The following AKAP13 variants were observed in gnomAD, a reference collection of about 807,000 sequenced individuals.
AKAP13 encodes A-kinase anchor protein 13.
AKAP13 carries 80 observed loss-of-function variants against 264.5 expected under a neutral mutation model. The observed-to-expected ratio is 0.30, with a 90% CI of 0.25 to 0.36. The LOEUF is 0.36. Among genes scored for constraint, AKAP13 ranks in the 10% least tolerant of loss-of-function variants. The probability of loss-of-function intolerance (pLI) is 1.00; values close to 1 mark genes in which losing one functional copy is unlikely to be tolerated. For synonymous variants in AKAP13, 1,380 were observed against 1,250.2 expected (o/e 1.10, Z -2.19); for missense variants, 3,712 against 3,435.2 (o/e 1.08, Z -2.01).
intron 2 of AKAP13, among the ~76,000 whole-genome samples, chr15:85,492,359 G>T (rs2151073225): frequency 6.6e-6 from 1 of 152,302 alleles, no homozygotes; most frequent in South Asian, 2.1e-4. Flanking sequence ...TATAGCCTGG[G>T]CTACAGAGCG....
chr15:85,578,114 C>G (rs1024341927), intron 6 of AKAP13, among the ~76,000 whole-genome samples: 1 of 152,148 alleles, frequency 6.6e-6, no homozygotes, highest in African/African-American at 2.4e-5. Flanking sequence ...GAGACCCCGT[C>G]TCTACAAAAA....
chr15:85,522,869 G>C (rs12898783), intron 3 of AKAP13, among the ~76,000 whole-genome samples: 76,154 of 146,830 alleles, frequency 0.52, 20,407 homozygotes, highest in Middle Eastern at 0.62. Flanking sequence ...CCACATTTCA[G>C]TATTTTTCCA....
chr15:85,391,138 A>T (rs533106188), intron 1 of AKAP13, among the ~76,000 whole-genome samples: 1 of 152,368 alleles, frequency 6.6e-6, no homozygotes, highest in Admixed American at 6.5e-5. Flanking sequence ...TATGTATAGT[A>T]ACTAAAGGAA....
At chr15:85,600,738 C>T (rs982261213) in intron 8 of AKAP13, among the ~76,000 whole-genome samples, 5 of 152,178 alleles carry the variant, frequency 3.3e-5, no homozygotes, top group Non-Finnish European at 7.3e-5. Context: ...GCATTTATGT[C>T]CTGATGACCA....
chr15:85,517,229 A>G (rs144997425), intron 2 of AKAP13, among the ~76,000 whole-genome samples: 6 of 152,180 alleles, frequency 3.9e-5, no homozygotes, highest in Admixed American at 1.3e-4. Flanking sequence ...AGGGCTTTCT[A>G]TCTCATTCTC....
At chr15:85,498,120 AG>A (rs2075925391) in intron 2 of AKAP13, among the ~76,000 whole-genome samples, 2 of 151,092 alleles carry the variant, frequency 1.3e-5, no homozygotes, top group Non-Finnish European at 2.9e-5. Context: ...AGTTTGGAGG[AG>A]GAGCTGCCTT....
Position 85,517,225 on chromosome 15 carries a change from TTCTA to T in AKAP13, c.34-4199_34-4196del, listed in dbSNP as rs2076636536. Among the ~76,000 whole-genome samples the T allele has an allele frequency of 3.3e-5, 5 of 152,308 alleles. No homozygotes were observed. In the South Asian group the frequency reaches 1.0e-3, roughly 32 times the overall value. On this transcript the variant is annotated intron_variant, in intron 2 of 36. Transcript: ENST00000394518. The stretch of plus-strand genomic sequence containing the variant: ...CTTTCACTCTTCCTCCTACAGGGCT[TTCTA>T]TCTCATTCTCCTAATCCATATCTAC...
At chr15:85,393,229 T>A (rs2070951817) in intron 1 of AKAP13, among the ~76,000 whole-genome samples, 1 of 152,254 alleles carries the variant, frequency 6.6e-6, no homozygotes, top group Admixed American at 6.5e-5. Flanking sequence ...TCCTCTTGGA[T>A]GCTTTGTACA....
At chr15:85,722,436 T>C (rs1023772762) in intron 25 of AKAP13, 89 bp downstream of exon 25, 8 of 1,084,164 alleles carry the variant, frequency 7.4e-6, no homozygotes, top group African/African-American at 1.6e-5. Flanking sequence ...AAGTGCTATT[T>C]CATGCTTTAG....
At chr15:85,505,969 C>T (rs2076208737) in intron 2 of AKAP13, among the ~76,000 whole-genome samples, 1 of 152,106 alleles carries the variant, frequency 6.6e-6, no homozygotes, top group Non-Finnish European at 1.5e-5. Flanking sequence ...ATTTCTCATC[C>T]AGTCATCTTA....
At chr15:85,503,297 C>CTAAAAGAATCAGCAGTTT (rs1187463800) in intron 2 of AKAP13, among the ~76,000 whole-genome samples, 2 of 152,122 alleles carry the variant, frequency 1.3e-5, no homozygotes. Flanking sequence ...GAGGTAGCTC[C>CTAAAAGAATCAGCAGTTT]TAAAAGAATC....
At chr15:85,484,543 G>A (rs1451287825) in intron 1 of AKAP13, among the ~76,000 whole-genome samples, 1 of 152,234 alleles carries the variant, frequency 6.6e-6, no homozygotes, top group East Asian at 1.9e-4. Context: ...AGCAGAACAC[G>A]TTGAAGCTTG....
chr15:85,422,644 A>G (rs1358921829), intron 1 of AKAP13, among the ~76,000 whole-genome samples: 2 of 152,228 alleles, frequency 1.3e-5, no homozygotes, highest in African/African-American at 4.8e-5. Context: ...TTCTCTGTGC[A>G]TACCTGCATA....
chr15:85,576,029 G>A (rs183209912), intron 6 of AKAP13, among the ~76,000 whole-genome samples: 161 of 152,314 alleles, frequency 1.1e-3, no homozygotes, highest in African/African-American at 2.8e-3. Flanking sequence ...TCTGAGACCT[G>A]TAAAGCAGTA....
intron 1 of AKAP13, among the ~76,000 whole-genome samples, chr15:85,459,324 T>G (rs912627920): frequency 4.0e-5 from 6 of 151,530 alleles, no homozygotes; most frequent in African/African-American, 1.5e-4. Context: ...TAGCTGGAAT[T>G]ACAGGTGCCC....
chr15:85,634,008 A>G (rs1417625389), intron 8 of AKAP13, among the ~76,000 whole-genome samples: 2 of 152,220 alleles, frequency 1.3e-5, no homozygotes, highest in African/African-American at 2.4e-5. Context: ...CACCTGCTGA[A>G]GATTCAGTTC....
chr15:85,476,604 G>C (rs1206875437), intron 1 of AKAP13, among the ~76,000 whole-genome samples: 1 of 152,140 alleles, frequency 6.6e-6, no homozygotes, highest in Non-Finnish European at 1.5e-5. Context: ...AATAAAGCTT[G>C]GTAGTTAAGT....
intron 3 of AKAP13, among the ~76,000 whole-genome samples, chr15:85,530,190 C>T (rs1030635226): frequency 2.6e-5 from 4 of 152,276 alleles, no homozygotes; most frequent in South Asian, 2.1e-4. Flanking sequence ...ACACCCATCC[C>T]GCGTTGTTCT....
Position 85,557,939 on chromosome 15 carries a change from C to G in AKAP13, c.662+13984C>G, listed in dbSNP as rs146605877. On this transcript the variant is annotated intron_variant, in intron 5 of 36. Coordinates refer to ENST00000394518, the MANE Select transcript of AKAP13 (RefSeq NM_007200.5). ...TTGCTCAGGCCTATATGAAGTTTAC[C>G]TTTGGGAGAAAATGAAACCTTGTCC... Among the ~76,000 whole-genome samples the G allele has an allele frequency of 5.5e-4, 83 of 152,208 alleles. No individual in the cohort carries two copies. In the East Asian group the frequency reaches 0.014, roughly 26 times the overall value.
Sources: allele counts gnomAD v4.1 joint callset (sites outside exome capture counted in the v4.1 genomes callset), GRCh38; gene constraint gnomAD v4.1.1; transcripts MANE v1.5; gene names NCBI Gene and HGNC (gene_info 2026-07-23, HGNC 2026-07-21).